The following ZFP28 variants were observed in gnomAD, a reference collection of about 807,000 sequenced individuals.
ZFP28 encodes ZFP28 zinc finger protein.
Under a neutral mutation model 39.5 loss-of-function variants are expected in ZFP28, and 31 were observed. That is an observed-to-expected ratio of 0.79 (90% CI 0.59 to 1.06). The LOEUF (loss-of-function observed/expected upper bound fraction) is 1.06, where lower values mean the gene tolerates loss of function less well. ZFP28 is among the 50% of genes least tolerant of loss of function. ZFP28 has a pLI of 0.00. For synonymous variants in ZFP28, 400 were observed against 378.6 expected, an observed-to-expected ratio of 1.06 and a Z score of -0.66; for missense variants, 925 against 1,048.4, an observed-to-expected ratio of 0.88 and a Z score of 1.63.
In ZFP28 at chr19:56,550,082, A is replaced by G; in HGVS notation, c.703A>G (p.Lys235Glu). ...ACCATTGCAGGGCTTGGTGACTATC[A>G]AAAACCTGGCTGTTGACTTCCGCCA... ...FETQPGLVTIKNLAVDFRQQL... is the reference protein window; with the variant it reads ...FETQPGLVTIENLAVDFRQQL... Residue 235 changes from lysine (K) to glutamate (E), a missense_variant, in exon 6 of 8, where the codon AAA becomes GAA. Lys to Glu is a moderately conservative substitution (Grantham distance 56, BLOSUM62 1). Transcript: ENST00000301318. 6.2e-7 allele frequency: 1 copy of G among 1,611,620 alleles called. No homozygotes were observed. Among genetic ancestry groups the G allele is most frequent in the Non-Finnish European group, 8.5e-7 (1 of 1,179,000 alleles).
chr19:56,549,791 C>T (rs953476180), intron 5 of ZFP28, among the ~76,000 whole-genome samples: 2 of 152,084 alleles, frequency 1.3e-5, no homozygotes, highest in Admixed American at 6.5e-5. Context: ...GAAAGCCTTC[C>T]GTCTGTTAAA....
chr19:56,541,665 C>T (rs952839025), intron 2 of ZFP28, among the ~76,000 whole-genome samples: 1 of 152,034 alleles, frequency 6.6e-6, no homozygotes, highest in Admixed American at 6.6e-5. Flanking sequence ...TCCTGCTCAC[C>T]CTGTCTAGAA....
intron 4 of ZFP28, 134 bp from the exon 5 acceptor site, chr19:56,548,824 G>A: frequency 1.0e-6 from 1 of 970,788 alleles, no homozygotes. Flanking sequence ...AAAATGATAT[G>A]CTTTTCATTT....
At position 56,550,096 on chromosome 19, in the gene ZFP28, T is replaced by C. The variant is rs2044283168; in HGVS notation, c.717T>C (p.Val239=). Residue 239 remains valine (V), a synonymous_variant, in exon 6 of 8, where the codon GTT becomes GTC. Coordinates refer to ENST00000301318, the MANE Select transcript of ZFP28 (RefSeq NM_020828.2). ...TGGTGACTATCAAAAACCTGGCTGTTGACTTCCGCCAGCAGCTACACCCAG... is the reference window on the plus strand; with the variant it reads ...TGGTGACTATCAAAAACCTGGCTGTCGACTTCCGCCAGCAGCTACACCCAG... The part of the protein sequence containing the change: ...PGLVTIKNLA[V]DFRQQLHPAQ... 1.9e-6 allele frequency: 3 copies of C among 1,612,882 alleles called. No homozygotes were observed. Among genetic ancestry groups the C allele is most frequent in the East Asian group, 4.5e-5 (2 of 44,864 alleles).
intron 7 of ZFP28, chr19:56,553,048 C>T (rs1019952056): frequency 6.6e-6 from 1 of 152,096 alleles, no homozygotes; most frequent in Admixed American, 6.6e-5. Flanking sequence ...CATGTATAAG[C>T]ATATCAAAAC....
chr19:56,543,786 T>C (rs1671178844), intron 2 of ZFP28, among the ~76,000 whole-genome samples: 1 of 152,186 alleles, frequency 6.6e-6, no homozygotes, highest in African/African-American at 2.4e-5. Flanking sequence ...CAGACATCAG[T>C]TAGGGAAAGT....
In ZFP28 at chr19:56,553,796, A is replaced by G; in HGVS notation, c.1011A>G (p.Glu337=). 4.3e-6 allele frequency: 7 copies of G among 1,614,160 alleles called. No homozygotes were observed. The highest frequency in any genetic ancestry group is 5.9e-6 in the Non-Finnish European group (7 of 1,180,022). The change falls in exon 8 of 8, where the codon GAA becomes GAG. Residue 337 remains glutamate, a synonymous_variant. Transcript: ENST00000301318. ...AACTTGATTGTTCCAGTTTCAGAGA[A>G]AATTGGGATTCTGACTATGTGTTTG... is the stretch of plus-strand genomic sequence containing the variant. ...NTKLDCSSFR[E]NWDSDYVFGR...
intron 7 of ZFP28, chr19:56,551,905 A>G: frequency 1.0e-6 from 1 of 983,376 alleles, no homozygotes; most frequent in African/African-American, 1.7e-5. Flanking sequence ...ATATTGTCTC[A>G]AACTATTTTC....
intron 7 of ZFP28, chr19:56,551,610 T>A: frequency 1.0e-6 from 1 of 985,384 alleles, no homozygotes; most frequent in African/African-American, 1.7e-5. Flanking sequence ...GCTCTGAAAG[T>A]TTTTTTGTTT....
chr19:56,539,836 C>A (rs1473847512), intron 2 of ZFP28, 120 bp downstream of exon 2: 7 of 853,868 alleles, frequency 8.2e-6, no homozygotes, highest in Non-Finnish European at 1.3e-5. Context: ...GTTTCTATTT[C>A]TTCACGTTCT....
chr19:56,553,880 C>G lies in ZFP28; in HGVS notation c.1095C>G (p.Asn365Lys). 1 of 1,614,108 alleles carries G rather than the reference C, an allele frequency of 6.2e-7. No homozygotes were observed. Among genetic ancestry groups the G allele is most frequent in the Non-Finnish European group, 8.5e-7 (1 of 1,180,020 alleles). ...TCAGGCAAGAGCCAATTACTCATAA[C>G]AAAACCCTCTCTAAGGAAAGAGAAC... Reference protein sequence around the residue: ...TQFRQEPITHNKTLSKERERT... With the variant: ...TQFRQEPITHKKTLSKERERT... The change falls in exon 8 of 8, where the codon AAC (asparagine) becomes AAG (lysine). Residue 365 changes from asparagine to lysine, a missense_variant. Around this residue, in one of 2 missense-constraint regions of ZFP28, gnomAD observed 556 missense variants for 542.9 expected, o/e 1.02. Transcript: ENST00000301318.
Position 56,539,657 on chromosome 19 carries a change from G to A in ZFP28, c.241G>A (p.Glu81Lys), listed in dbSNP as rs543069607. ...LPSRDTALPQ[E>K]RNKKLEAVGT... ...TTCCAGGGACACTGCTCTTCCCCAG[G>A]AGAGAAACAAGAAGCTGGAGGCTGT... The change falls in exon 2 of 8, where the codon GAG (glutamate) becomes AAG (lysine). Residue 81 changes from glutamate (E) to lysine (K), a missense_variant. Transcript: ENST00000301318. 18 of 1,614,114 alleles carry A rather than the reference G, an allele frequency of 1.1e-5. No homozygotes were observed. Among genetic ancestry groups the A allele is most frequent in the Admixed American group, 3.3e-5 (2 of 60,024 alleles).
At chr19:56,550,890 T>C (rs2147960974) in intron 7 of ZFP28, 7 of 1,434,276 alleles carry the variant, frequency 4.9e-6, no homozygotes, top group Non-Finnish European at 6.4e-6. Flanking sequence ...TGATGCACTT[T>C]TGAGCTGACT....
At position 56,554,220 on chromosome 19, in the gene ZFP28, A is replaced by C. The variant is rs2044329625; in HGVS notation, c.1435A>C (p.Ile479Leu). 6.2e-6 allele frequency: 10 copies of C among 1,614,186 alleles called. No homozygotes were observed. The highest frequency in any genetic ancestry group is 8.5e-6 in the Non-Finnish European group (10 of 1,180,026). Residue 479 changes from isoleucine to leucine, a missense_variant, in exon 8 of 8, where the codon ATT (isoleucine) becomes CTT (leucine). Physicochemically the swap from Ile to Leu is conservative, Grantham distance 5. Transcript: ENST00000301318. The surrounding 1 kb of genome is among the most constrained non-coding windows in gnomAD (Gnocchi z 6.7). ...CACTGGCAAGAAGCCCTATGAGTGC[A>C]TTGAGTGTGGGAAAGCTTTCATACA... ...CHTGKKPYEC[I>L]ECGKAFIQNT...
In ZFP28 at chr19:56,547,561, G is replaced by A. The variant is rs757675389; in HGVS notation, c.354G>A (p.Glu118=). Residue 118 remains glutamate (E), a synonymous_variant, in exon 3 of 8, where the codon GAG becomes GAA. Coordinates refer to ENST00000301318, the MANE Select transcript of ZFP28 (RefSeq NM_020828.2). The surrounding 1 kb of genome is among the most constrained non-coding windows in gnomAD (Gnocchi z 4.6). The part of the protein sequence containing the change: ...VAVDFSQEEW[E]WLNPIQRNLY... The stretch of plus-strand genomic sequence containing the variant: ...TAGATTTCTCCCAAGAGGAGTGGGA[G>A]TGGCTGAACCCCATTCAGAGGAACT... 1.9e-6 allele frequency: 3 copies of A among 1,614,146 alleles called. No homozygotes were observed. The highest frequency in any genetic ancestry group is 2.5e-6 in the Non-Finnish European group (3 of 1,180,012).
chr19:56,546,517 C>T (rs1335254217), intron 2 of ZFP28: 1 of 152,166 alleles, frequency 6.6e-6, no homozygotes, highest in Non-Finnish European at 1.5e-5. Context: ...TGCCTAGCTT[C>T]TCCAAGATGG....
rs2044302671 is a variant in ZFP28 at position 56,551,506 on chromosome 19, T to C, written c.898+901T>C. On this transcript the variant is annotated intron_variant, in intron 7 of 7. Coordinates refer to ENST00000301318, the MANE Select transcript of ZFP28 (RefSeq NM_020828.2). Reference sequence around the variant, plus strand: ...ACTTAGGTTGCTTTACATTTCTTAGTATTAAAGATACAATTATAATAGATT... The same window carrying C: ...ACTTAGGTTGCTTTACATTTCTTAGCATTAAAGATACAATTATAATAGATT... The C allele has an allele frequency of 5.1e-6, 5 of 984,678 alleles. No homozygotes were observed. The South Asian group carries it at 2.3e-4, about 46-fold the overall frequency. 61.0% of individuals were successfully genotyped at this position (984,678 alleles called of 1,614,324 possible).
chr19:56,539,256 G>A, intron 1 of ZFP28, 30 bp downstream of exon 1: 1 of 1,560,534 alleles, frequency 6.4e-7, no homozygotes, highest in Admixed American at 1.8e-5. Context: ...GGGGCCGAGC[G>A]GACAGGGACG....
intron 2 of ZFP28, among the ~76,000 whole-genome samples, chr19:56,541,070 A>G (rs537069941): frequency 6.6e-6 from 1 of 152,134 alleles, no homozygotes; most frequent in East Asian, 1.9e-4. Context: ...TGTGAGCCCA[A>G]ACCTCTCCTC....
Sources: gnomAD v4.1 joint callset for allele counts (sites outside exome capture counted in the v4.1 genomes callset) on GRCh38, gnomAD v4.1.1 for gene constraint, gnomAD v4.1.1 regional missense constraint, Gnocchi (gnomAD v3.1) non-coding constraint, MANE v1.5 for transcripts, NCBI Gene and HGNC (gene_info 2026-07-23, HGNC 2026-07-21) for gene names.